SLC35A1: variants seen among roughly 807,000 people sequenced by gnomAD.
The protein encoded by SLC35A1 is CMP-sialic acid transporter.
A neutral mutation model predicts 40.3 loss-of-function variants in SLC35A1; 21 were observed. The observed-to-expected ratio is 0.52, with a 90% CI of 0.37 to 0.75. SLC35A1 has a LOEUF of 0.75. SLC35A1 is among the 30% of genes least tolerant of loss of function. The probability of loss-of-function intolerance (pLI) is 0.00; values close to 1 mark genes in which losing one functional copy is unlikely to be tolerated. For missense variants in SLC35A1, 297 were observed against 382.1 expected (o/e 0.78, Z 1.86); for synonymous variants, 146 against 147.3 (o/e 0.99, Z 0.06).
At position 87,472,989 on chromosome 6, in the gene SLC35A1, G is replaced by C. The variant is rs1376728578; in HGVS notation, c.-15G>C. 6.0e-6 allele frequency: 4 copies of C among 667,736 alleles called. No homozygotes were observed. Among genetic ancestry groups the C allele is most frequent in the Middle Eastern group, 5.6e-4 (2 of 3,596 alleles). The allele number at this position is 667,736 out of a possible 1,614,324, so 41.4% of individuals were successfully genotyped here. A position where few individuals can be genotyped will look rare whatever the true frequency, so the allele number is the denominator to read the frequency against. The stretch of plus-strand genomic sequence containing the variant: ...GGGGGCGGGCGTCAGTTCCGCGGGG[G>C]GCTGTCGGGGAACCATGGCTGCCCC... On this transcript the variant is annotated 5_prime_UTR_variant, in exon 1 of 8. Transcript: ENST00000369552.
chr6:87,477,615 A>T, intron 2 of SLC35A1, 76 bp downstream of exon 2: 1 of 1,236,350 alleles, frequency 8.1e-7, no homozygotes, highest in Non-Finnish European at 1.2e-6. Context: ...TTCAAGCTAC[A>T]TCTTTATATG....
chr6:87,475,408 CAT>C (rs1483888376), intron 1 of SLC35A1, among the ~76,000 whole-genome samples: 1 of 152,176 alleles, frequency 6.6e-6, no homozygotes, highest in Non-Finnish European at 1.5e-5. Context: ...TTTTTGAAGT[CAT>C]ATTTCTTCCC....
chr6:87,481,720 T>G (rs1769251239), intron 2 of SLC35A1, among the ~76,000 whole-genome samples: 1 of 152,226 alleles, frequency 6.6e-6, no homozygotes, highest in African/African-American at 2.4e-5. Flanking sequence ...AGACTCTTTT[T>G]AACCTTTTAT....
rs1452358614 is a variant in SLC35A1, at chr6:87,509,126, C to A, written c.837C>A (p.Ala279=). The A allele has an allele frequency of 6.2e-7, 1 of 1,614,120 alleles. No homozygotes were observed. Residue 279 remains alanine (A), a synonymous_variant, in exon 7 of 8, where the codon GCC becomes GCA. Transcript: ENST00000369552. ...TGAAAGGCTTTTCTGCAGCAGCGGC[C>A]ATTGTCCTTTCCACCATTGCTTCAG... ...NIMKGFSAAA[A]IVLSTIASVM...
intron 2 of SLC35A1, among the ~76,000 whole-genome samples, chr6:87,492,245 A>G (rs1019359991): frequency 6.6e-6 from 1 of 152,180 alleles, no homozygotes; most frequent in South Asian, 2.1e-4. Context: ...AATGTCCTTT[A>G]TAGCAAAATA....
chr6:87,484,179 G>T (rs908879787), intron 2 of SLC35A1, among the ~76,000 whole-genome samples: 1 of 152,102 alleles, frequency 6.6e-6, no homozygotes, highest in African/African-American at 2.4e-5. Context: ...CTGAGAGCTC[G>T]GGTTATTCCT....
At chr6:87,503,402 G>A (rs1475792943) in intron 4 of SLC35A1, among the ~76,000 whole-genome samples, 1 of 152,152 alleles carries the variant, frequency 6.6e-6, no homozygotes, top group African/African-American at 2.4e-5. Context: ...CCATTTTTCT[G>A]TATGAGCATT....
At chr6:87,494,422 ATTTT>A (rs61583010) in intron 2 of SLC35A1, among the ~76,000 whole-genome samples, 2 of 132,810 alleles carry the variant, frequency 1.5e-5, no homozygotes, top group Non-Finnish European at 3.2e-5. Flanking sequence ...AAATATTTGA[ATTTT>A]TTTTTTTTTT....
chr6:87,495,749 G>A lies in SLC35A1; in HGVS notation c.195-4759G>A, dbSNP rs1479181942. ...TGGCTCACTGCAAGCTGTGCCTCCC[G>A]GGTTCATGCCATCCTCCTGCCTCAG... On this transcript the variant is annotated intron_variant, in intron 2 of 7. Coordinates refer to ENST00000369552, the MANE Select transcript of SLC35A1 (RefSeq NM_006416.5). 4.6e-5 allele frequency among the ~76,000 whole-genome samples: 7 copies of A among 151,254 alleles called. No individual in the cohort carries two copies. The South Asian group carries it at 8.4e-4, about 18-fold the overall frequency.
intron 2 of SLC35A1, among the ~76,000 whole-genome samples, chr6:87,480,068 C>A (rs1164378038): frequency 6.6e-6 from 1 of 152,248 alleles, no homozygotes; most frequent in Non-Finnish European, 1.5e-5. Context: ...TACCACCATA[C>A]ATCCGCTCAG....
At chr6:87,478,806 C>G (rs1769159733) in intron 2 of SLC35A1, among the ~76,000 whole-genome samples, 1 of 152,112 alleles carries the variant, frequency 6.6e-6, no homozygotes, top group South Asian at 2.1e-4. Context: ...TTTTTTTCTT[C>G]TCAGCAAGGC....
At chr6:87,500,106 A>T (rs1236630408) in intron 2 of SLC35A1, among the ~76,000 whole-genome samples, 2 of 152,036 alleles carry the variant, frequency 1.3e-5, no homozygotes, top group African/African-American at 4.8e-5. Flanking sequence ...CATCTCAAAA[A>T]TAAATATAAA....
At chr6:87,487,142 C>G (rs1193473654) in intron 2 of SLC35A1, among the ~76,000 whole-genome samples, 1 of 152,056 alleles carries the variant, frequency 6.6e-6, no homozygotes, top group African/African-American at 2.4e-5. Flanking sequence ...CACCACTGCA[C>G]TCCAGCCTGG....
chr6:87,497,196 GT>G (rs1554166062), intron 2 of SLC35A1, among the ~76,000 whole-genome samples: 1 of 150,422 alleles, frequency 6.6e-6, no homozygotes, highest in South Asian at 2.1e-4. Flanking sequence ...AGCATCCTCT[GT>G]TTTTTTTTGT....
intron 2 of SLC35A1, among the ~76,000 whole-genome samples, chr6:87,496,655 C>T (rs1769734351): frequency 6.6e-6 from 1 of 151,660 alleles, no homozygotes; most frequent in Non-Finnish European, 1.5e-5. Context: ...TGGTGTGCAC[C>T]TGTACTCCCA....
chr6:87,487,945 T>G (rs769869498), intron 2 of SLC35A1: 2 of 152,096 alleles, frequency 1.3e-5, no homozygotes, highest in African/African-American at 2.4e-5. Context: ...AGTCCATGAA[T>G]AATAATAATC....
At chr6:87,485,994 C>A (rs567289944) in intron 2 of SLC35A1, among the ~76,000 whole-genome samples, 2 of 152,114 alleles carry the variant, frequency 1.3e-5, no homozygotes, top group African/African-American at 4.8e-5. Flanking sequence ...AAGCTTCTTC[C>A]TTTTTGCCCA....
At chr6:87,501,939 T>C (rs1158863698) in intron 4 of SLC35A1, among the ~76,000 whole-genome samples, 2 of 152,198 alleles carry the variant, frequency 1.3e-5, no homozygotes, top group Admixed American at 1.3e-4. Flanking sequence ...CTCAATCAGT[T>C]ATTTCCCCAA....
intron 2 of SLC35A1, among the ~76,000 whole-genome samples, chr6:87,483,894 C>T (rs927133231): frequency 3.3e-5 from 5 of 152,156 alleles, no homozygotes; most frequent in African/African-American, 1.2e-4. Flanking sequence ...CAGCAGGATC[C>T]GCCCTAAGCC....
Sources: gnomAD v4.1 joint callset for allele counts (sites outside exome capture counted in the v4.1 genomes callset) on GRCh38, gnomAD v4.1.1 for gene constraint, MANE v1.5 for transcripts, NCBI Gene and HGNC (gene_info 2026-07-23, HGNC 2026-07-21) for gene names.